PRRX1: variants seen among roughly 807,000 people sequenced by gnomAD.
PRRX1 encodes the protein paired related homeobox 1.
A neutral mutation model predicts 24.0 loss-of-function variants in PRRX1; 8 were observed. That is an observed-to-expected ratio of 0.33 (90% CI 0.20 to 0.60). The LOEUF (loss-of-function observed/expected upper bound fraction) is 0.60. Among genes scored for constraint, PRRX1 ranks in the 20% least tolerant of loss-of-function variants. The pLI, the probability that PRRX1 is intolerant of heterozygous loss-of-function variation, is 0.82. For synonymous variants in PRRX1, 160 were observed against 131.7 expected, an observed-to-expected ratio of 1.22 and a Z score of -1.47; for missense variants, 281 against 322.4, an observed-to-expected ratio of 0.87 and a Z score of 0.98.
intron 3 of PRRX1, among the ~76,000 whole-genome samples, chr1:170,729,435 C>T (rs1349859835): frequency 6.7e-6 from 1 of 148,970 alleles, no homozygotes; most frequent in Admixed American, 6.8e-5. Flanking sequence ...AAGGAGAAAA[C>T]CAAGGCATAA....
chr1:170,729,090 G>A (rs566885186), intron 3 of PRRX1: 3 of 152,300 alleles, frequency 2.0e-5, no homozygotes, highest in African/African-American at 7.2e-5. Flanking sequence ...CCAAATTTAA[G>A]TCTTCAGCAA....
At chr1:170,723,547 A>G (rs1655159242) in intron 2 of PRRX1, among the ~76,000 whole-genome samples, 1 of 152,262 alleles carries the variant, frequency 6.6e-6, no homozygotes. Context: ...ATGAATGAGT[A>G]GAATTCCATA....
upstream of PRRX1, chr1:170,663,296 C>T (rs1336078394): frequency 1.3e-5 from 2 of 152,142 alleles, no homozygotes; most frequent in Non-Finnish European, 2.9e-5. Flanking sequence ...ATCTGCCCTC[C>T]CAGGGGTCTC....
At position 170,736,367 on chromosome 1, in the gene PRRX1, T is replaced by C. The variant is rs955122005; in HGVS notation, c.*181T>C. 1.3e-6 allele frequency: 1 copy of C among 773,754 alleles called. No homozygotes were observed. Among genetic ancestry groups the C allele is most frequent in the African/African-American group, 1.8e-5 (1 of 56,808 alleles). The allele number at this position is 773,754 out of a possible 1,614,324, so 47.9% of individuals were successfully genotyped here. ...GGAGAGGAGCAAAATGAAAATTAGTTAACAAATGTTCCTCCTCCCTCTGGG... is the reference window on the plus strand; with the variant it reads ...GGAGAGGAGCAAAATGAAAATTAGTCAACAAATGTTCCTCCTCCCTCTGGG... On this transcript the variant is annotated 3_prime_UTR_variant, in exon 4 of 4. Transcript: ENST00000239461.
chr1:170,665,006 G>A (rs1201050131), intron 1 of PRRX1, among the ~76,000 whole-genome samples: 1 of 152,224 alleles, frequency 6.6e-6, no homozygotes, highest in Non-Finnish European at 1.5e-5. Flanking sequence ...GGCGCGACCG[G>A]GAGGCCCCGA....
At chr1:170,705,396 C>T (rs894544449) in intron 1 of PRRX1, among the ~76,000 whole-genome samples, 2 of 152,168 alleles carry the variant, frequency 1.3e-5, no homozygotes, top group Non-Finnish European at 2.9e-5. Context: ...GATCCTCCCA[C>T]CTCAGCCTCC....
chr1:170,700,608 G>T (rs1213299344), intron 1 of PRRX1, among the ~76,000 whole-genome samples: 1 of 152,162 alleles, frequency 6.6e-6, no homozygotes, highest in Non-Finnish European at 1.5e-5. Context: ...TCCATTAAAA[G>T]TAGCAGACAG....
At chr1:170,698,424 G>A (rs1654246634) in intron 1 of PRRX1, among the ~76,000 whole-genome samples, 1 of 152,140 alleles carries the variant, frequency 6.6e-6, no homozygotes, top group Non-Finnish European at 1.5e-5. Context: ...CTAAAGAATG[G>A]AATCATTTAA....
At chr1:170,686,058 G>A (rs1373910763) in intron 1 of PRRX1, among the ~76,000 whole-genome samples, 1 of 151,526 alleles carries the variant, frequency 6.6e-6, no homozygotes, top group Non-Finnish European at 1.5e-5. Flanking sequence ...TAGTTAAAAT[G>A]TAGACCGTCT....
chr1:170,671,495 C>T (rs1653144137), intron 1 of PRRX1, among the ~76,000 whole-genome samples: 1 of 152,266 alleles, frequency 6.6e-6, no homozygotes, highest in Non-Finnish European at 1.5e-5. Flanking sequence ...CGAGCCTCGC[C>T]AGACGCTTTC....
chr1:170,665,707 C>T (rs991506465), intron 1 of PRRX1, among the ~76,000 whole-genome samples: 1 of 152,214 alleles, frequency 6.6e-6, no homozygotes, highest in Non-Finnish European at 1.5e-5. Flanking sequence ...CAGTGGTGGC[C>T]CCGCGGGCCA....
chr1:170,719,871 C>G lies in PRRX1; in HGVS notation c.387C>G (p.Arg129=). 2 of 1,614,140 alleles carry G rather than the reference C, an allele frequency of 1.2e-6. No individual in the cohort carries two copies. Among genetic ancestry groups the G allele is most frequent in the Non-Finnish European group, 1.7e-6 (2 of 1,180,010 alleles). The part of the protein sequence containing the change: ...PDAFVREDLA[R]RVNLTEARVQ... Reference sequence around the variant, plus strand: ...CTTTTGTGCGAGAAGACCTTGCCCGCCGGGTGAACCTCACCGAGGCGAGAG... The same window carrying G: ...CTTTTGTGCGAGAAGACCTTGCCCGGCGGGTGAACCTCACCGAGGCGAGAG... Residue 129 remains arginine, a synonymous_variant, in exon 2 of 4, where the codon CGC becomes CGG. Transcript: ENST00000239461.
chr1:170,686,488 C>G (rs1653747411), intron 1 of PRRX1, among the ~76,000 whole-genome samples: 1 of 151,442 alleles, frequency 6.6e-6, no homozygotes, highest in Non-Finnish European at 1.5e-5. Flanking sequence ...GGGAGTGGGT[C>G]TAAGAAAAAT....
At chr1:170,734,091 T>A (rs985483433) in intron 3 of PRRX1, among the ~76,000 whole-genome samples, 3 of 152,128 alleles carry the variant, frequency 2.0e-5, no homozygotes. Flanking sequence ...TGAAATATAT[T>A]TTTTGATGGA....
intron 1 of PRRX1, among the ~76,000 whole-genome samples, chr1:170,718,016 GCAC>G (rs1401589850): frequency 1.3e-5 from 2 of 152,136 alleles, no homozygotes; most frequent in Non-Finnish European, 2.9e-5. Flanking sequence ...CTGAGGTAAG[GCAC>G]CACAAGTGTA....
At chr1:170,679,430 G>C (rs946092785) in intron 1 of PRRX1, among the ~76,000 whole-genome samples, 2 of 151,978 alleles carry the variant, frequency 1.3e-5, no homozygotes, top group Non-Finnish European at 2.9e-5. Flanking sequence ...GACGGAGTCT[G>C]GCTCTGTTGC....
At chr1:170,667,391 T>C (rs925018320) in intron 1 of PRRX1, 1 of 152,288 alleles carries the variant, frequency 6.6e-6, no homozygotes, top group Non-Finnish European at 1.5e-5. Context: ...AATAGTTTGT[T>C]GCTTTTATAA....
intron 1 of PRRX1, among the ~76,000 whole-genome samples, chr1:170,713,103 A>T (rs1441331540): frequency 6.6e-6 from 1 of 152,184 alleles, no homozygotes. Flanking sequence ...GTATTAGTAA[A>T]TTATGGATTC....
intron 1 of PRRX1, among the ~76,000 whole-genome samples, chr1:170,679,945 C>G (rs1223934080): frequency 6.6e-6 from 1 of 152,058 alleles, no homozygotes; most frequent in Non-Finnish European, 1.5e-5. Context: ...GTTTACTTAT[C>G]TTTTTTATGG....
Sources: gnomAD v4.1 joint callset for allele counts (sites outside exome capture counted in the v4.1 genomes callset) on GRCh38, gnomAD v4.1.1 for gene constraint, MANE v1.5 for transcripts, NCBI Gene and HGNC (gene_info 2026-07-23, HGNC 2026-07-21) for gene names.